The following GAB2 variants were observed in gnomAD, a reference collection of about 807,000 sequenced individuals.
GAB2 encodes the protein GRB2-associated-binding protein 2.
A neutral mutation model predicts 65.5 loss-of-function variants in GAB2; 26 were observed. The ratio of observed to expected loss-of-function variants is 0.40; its 90% confidence interval spans 0.29 to 0.55. The LOEUF is 0.55. Among genes scored for constraint, GAB2 ranks in the 20% least tolerant of loss-of-function variants. The pLI is 0.53. For synonymous variants in GAB2, 321 were observed against 329.6 expected (o/e 0.97, Z 0.28); for missense variants, 884 against 875.8 (o/e 1.01, Z -0.12).
At chr11:78,230,669 T>A (rs1276039003) in intron 3 of GAB2, among the ~76,000 whole-genome samples, 1 of 152,244 alleles carries the variant, frequency 6.6e-6, no homozygotes, top group Admixed American at 6.5e-5. Context: ...GTGACACATG[T>A]TGAGGGAGAC....
intron 1 of GAB2, among the ~76,000 whole-genome samples, chr11:78,298,481 G>A (rs968621554): frequency 1.3e-5 from 2 of 152,106 alleles, no homozygotes; most frequent in African/African-American, 2.4e-5. Context: ...AGAGAGACAG[G>A]GTCACATCTG....
chr11:78,282,841 C>G (rs2134589702), intron 1 of GAB2, among the ~76,000 whole-genome samples: 1 of 152,338 alleles, frequency 6.6e-6, no homozygotes, highest in South Asian at 2.1e-4. Flanking sequence ...TTCACTCTCA[C>G]CTTTCATCCC....
chr11:78,225,157 C>A lies in GAB2; in HGVS notation c.1253G>T (p.Ser418Ile). ...TYEYPQRGGE[S>I]AGRSAESMSD... ...CATGGATTCAGCAGACCGGCCTGCA[C>A]TCTCTCCACCACGCTGTGGGTACTC... is the stretch of plus-strand genomic sequence containing the variant. Residue 418 changes from serine to isoleucine, a missense_variant, in exon 5 of 10, where the codon AGT becomes ATT. Transcript: ENST00000361507. 1.9e-6 allele frequency: 3 copies of A among 1,613,738 alleles called. No homozygotes were observed. The highest frequency in any genetic ancestry group is 2.2e-5 in the South Asian group (2 of 91,080).
At chr11:78,329,907 T>C (rs1449682161) in intron 1 of GAB2, among the ~76,000 whole-genome samples, 4 of 152,220 alleles carry the variant, frequency 2.6e-5, no homozygotes, top group Non-Finnish European at 5.9e-5. Flanking sequence ...ACCAAATTTG[T>C]TTGCAGGCAG....
chr11:78,390,392 C>A (rs1856819908), intron 1 of GAB2, among the ~76,000 whole-genome samples: 1 of 152,076 alleles, frequency 6.6e-6, no homozygotes, highest in African/African-American at 2.4e-5. Flanking sequence ...TTGAGACCAG[C>A]CTGAGAAACA....
intron 1 of GAB2, among the ~76,000 whole-genome samples, chr11:78,380,243 C>A (rs1169015316): frequency 6.7e-6 from 1 of 150,278 alleles, no homozygotes; most frequent in African/African-American, 2.5e-5. Flanking sequence ...AAGTCTCGCT[C>A]TGTCGCCAGG....
intron 1 of GAB2, among the ~76,000 whole-genome samples, chr11:78,287,774 A>G (rs1038936909): frequency 6.6e-6 from 1 of 150,620 alleles, no homozygotes; most frequent in East Asian, 2.0e-4. Flanking sequence ...TCAGCCTCCC[A>G]AGTAGCTGGG....
intron 1 of GAB2, among the ~76,000 whole-genome samples, chr11:78,291,445 A>G (rs144575428): frequency 0.039 from 5,783 of 150,168 alleles, 361 homozygotes; most frequent in African/African-American, 0.13. Context: ...CAGCCTGGGC[A>G]ACAGAGCAAG....
intron 1 of GAB2, among the ~76,000 whole-genome samples, chr11:78,300,395 A>G (rs1866962496): frequency 6.6e-6 from 1 of 151,986 alleles, no homozygotes; most frequent in Non-Finnish European, 1.5e-5. Flanking sequence ...GCCATTATGA[A>G]CAAAATAGCT....
intron 1 of GAB2, among the ~76,000 whole-genome samples, chr11:78,368,919 A>C (rs1489145334): frequency 1.3e-5 from 2 of 151,922 alleles, no homozygotes; most frequent in South Asian, 2.1e-4. Context: ...GCTACAAACA[A>C]ATTTTTTAAA....
chr11:78,373,517 C>T (rs745622638), intron 1 of GAB2, among the ~76,000 whole-genome samples: 3 of 151,966 alleles, frequency 2.0e-5, no homozygotes, highest in African/African-American at 4.8e-5. Flanking sequence ...GGATTACAGG[C>T]GTGAGCCACC....
intron 1 of GAB2, among the ~76,000 whole-genome samples, chr11:78,405,934 C>T (rs781382486): frequency 1.3e-5 from 2 of 152,184 alleles, no homozygotes; most frequent in Non-Finnish European, 2.9e-5. Context: ...ACAATAACTG[C>T]TCTACTCCAG....
intron 1 of GAB2, among the ~76,000 whole-genome samples, chr11:78,343,443 GAGA>G (rs1591053215): frequency 6.6e-6 from 1 of 151,678 alleles, no homozygotes; most frequent in African/African-American, 2.4e-5. Context: ...GAGGGAGAGG[GAGA>G]AGGAGAGGGA....
chr11:78,292,902 G>A (rs1866719439), intron 1 of GAB2, among the ~76,000 whole-genome samples: 1 of 152,270 alleles, frequency 6.6e-6, no homozygotes, highest in East Asian at 1.9e-4. Context: ...CTTAACAGGT[G>A]AGGAAAAAGA....
At chr11:78,385,793 A>G (rs948499436) in intron 1 of GAB2, among the ~76,000 whole-genome samples, 1 of 152,246 alleles carries the variant, frequency 6.6e-6, no homozygotes, top group Non-Finnish European at 1.5e-5. Context: ...ATACAAAATT[A>G]TGAGGCACCC....
intron 1 of GAB2, among the ~76,000 whole-genome samples, chr11:78,348,726 C>T (rs1302428734): frequency 6.6e-6 from 1 of 152,150 alleles, no homozygotes; most frequent in Non-Finnish European, 1.5e-5. Context: ...GCTGGGTATA[C>T]CTGGGAGAAA....
At chr11:78,225,250 TTGAC>T in intron 4 of GAB2, 48 bp from the exon 5 acceptor site, 3 of 1,266,834 alleles carry the variant, frequency 2.4e-6, no homozygotes, top group Non-Finnish European at 3.5e-6. Context: ...GATTCATGTG[TTGAC>T]ACTTACCCAT....
chr11:78,268,269 C>T (rs78126205), intron 2 of GAB2, among the ~76,000 whole-genome samples: 1,851 of 152,262 alleles, frequency 0.012, 32 homozygotes, highest in African/African-American at 0.042. Context: ...TGAGATAAAT[C>T]GTAACAAAGC....
intron 1 of GAB2, among the ~76,000 whole-genome samples, chr11:78,360,507 T>A (rs1477539113): frequency 6.6e-6 from 1 of 152,072 alleles, no homozygotes. Context: ...TATGTGCTGA[T>A]AAAGAGCTCA....
Sources: gnomAD v4.1 joint callset for allele counts (sites outside exome capture counted in the v4.1 genomes callset) on GRCh38, gnomAD v4.1.1 for gene constraint, MANE v1.5 for transcripts, NCBI Gene and HGNC (gene_info 2026-07-23, HGNC 2026-07-21) for gene names.